The following SORL1 variants were observed in gnomAD, a reference collection of about 807,000 sequenced individuals.
SORL1 encodes the protein sortilin related receptor 1, also known as sortilin-related receptor.
In SORL1, 127 loss-of-function variants were observed where a neutral mutation model predicts 273.7. That is an observed-to-expected ratio of 0.46 (90% CI 0.40 to 0.54). The LOEUF (loss-of-function observed/expected upper bound fraction) is 0.54. Ranked by LOEUF, SORL1 falls within the 20% of genes least tolerant of loss-of-function variation. The probability of loss-of-function intolerance (pLI) is 0.00; values close to 1 mark genes in which losing one functional copy is unlikely to be tolerated. For synonymous variants in SORL1, 1,031 were observed against 1,067.4 expected, an observed-to-expected ratio of 0.97 and a Z score of 0.66; for missense variants, 2,494 against 2,846.1, an observed-to-expected ratio of 0.88 and a Z score of 2.81.
rs1377351573 is a variant in SORL1 at position 121,633,316 on chromosome 11, A to C, written c.*3753A>C. The C allele has an allele frequency of 6.6e-6, 1 of 152,186 alleles. No homozygotes were observed. The highest frequency in any genetic ancestry group is 2.1e-4 in the South Asian group (1 of 4,828). 9.4% of individuals were successfully genotyped at this position (152,186 alleles called of 1,614,324 possible). ...CAAGTAATAACCCAAGAATGGTATG[A>C]GTTTCATGTGTAATAGCTCAAATGG... On this transcript the variant is annotated 3_prime_UTR_variant, in exon 48 of 48. Transcript: ENST00000260197.
rs921199146 is a variant in SORL1, at chr11:121,514,414, T to C, written c.1211+93T>C. The C allele has an allele frequency of 4.0e-6, 5 of 1,262,508 alleles. No individual in the cohort carries two copies. In the African/African-American group the frequency reaches 6.0e-5, roughly 15 times the overall value. 78.2% of individuals were successfully genotyped at this position (1,262,508 alleles called of 1,614,324 possible). On this transcript the variant is annotated intron_variant, in intron 8 of 47. Coordinates refer to ENST00000260197, the MANE Select transcript of SORL1 (RefSeq NM_003105.6). ...TGTGGTTTTCAACATTAGCTGCCCATGTGGATACACCCGGGGAGCTTTCGG... is the reference window on the plus strand; with the variant it reads ...TGTGGTTTTCAACATTAGCTGCCCACGTGGATACACCCGGGGAGCTTTCGG...
intron 1 of SORL1, among the ~76,000 whole-genome samples, chr11:121,469,405 C>A (rs1861137302): frequency 6.6e-6 from 1 of 152,186 alleles, no homozygotes; most frequent in Non-Finnish European, 1.5e-5. Flanking sequence ...TGTTGGCCTT[C>A]CTCATTTTTA....
intron 21 of SORL1, among the ~76,000 whole-genome samples, chr11:121,560,335 G>A (rs1303581481): frequency 3.9e-5 from 6 of 152,190 alleles, no homozygotes; most frequent in African/African-American, 1.4e-4. Context: ...ACTGGGTGAG[G>A]CTTCAAGAAC....
intron 6 of SORL1, among the ~76,000 whole-genome samples, chr11:121,502,124 CTT>C (rs57842880): frequency 1.1e-4 from 7 of 65,172 alleles, no homozygotes; most frequent in African/African-American, 2.7e-4. Flanking sequence ...TGTGACAATT[CTT>C]TTTTTTTTTT....
At position 121,567,055 on chromosome 11, in the gene SORL1, C is replaced by T. The variant is rs367605756; in HGVS notation, c.3165C>T (p.Asp1055=). Residue 1055 remains aspartate, a synonymous_variant, in exon 22 of 48, where the codon GAC becomes GAT. Transcript: ENST00000260197. The part of the protein sequence containing the change: ...DVSSSVLPSG[D]LMCDCPQGYQ... The stretch of plus-strand genomic sequence containing the variant: ...CCAGCAGTGTGCTTCCATCAGGGGA[C>T]CTGATGTGTGACTGCCCTCAGGGCT... 8 of 1,614,178 alleles carry T rather than the reference C, an allele frequency of 5.0e-6. No individual in the cohort carries two copies. The highest frequency in any genetic ancestry group is 6.8e-6 in the Non-Finnish European group (8 of 1,180,006).
intron 32 of SORL1, among the ~76,000 whole-genome samples, chr11:121,600,542 A>C (rs1863372988): frequency 6.6e-6 from 1 of 152,234 alleles, no homozygotes; most frequent in Admixed American, 6.5e-5. Context: ...AAGAAAGAGA[A>C]AAGAAATGGG....
chr11:121,469,928 A>T, intron 1 of SORL1, 79 bp from the exon 2 acceptor site: 1 of 1,000,530 alleles, frequency 1.0e-6, no homozygotes, highest in Non-Finnish European at 1.6e-6. Flanking sequence ...TGCTTGACAA[A>T]GGAGGAAAGA....
At chr11:121,559,725 C>A in intron 21 of SORL1, 68 bp downstream of exon 21, 1 of 1,493,860 alleles carries the variant, frequency 6.7e-7, no homozygotes, top group Non-Finnish European at 9.2e-7. Context: ...TGTGGCCAAT[C>A]TCTGCTCAGA....
intron 3 of SORL1, among the ~76,000 whole-genome samples, chr11:121,481,234 C>G (rs1861379371): frequency 9.1e-6 from 1 of 109,444 alleles, no homozygotes; most frequent in Non-Finnish European, 1.9e-5. Context: ...TACCTATAGG[C>G]AAGCTCCATC....
intron 19 of SORL1, among the ~76,000 whole-genome samples, chr11:121,558,154 A>T (rs1042470300): frequency 6.6e-6 from 1 of 152,234 alleles, no homozygotes; most frequent in African/African-American, 2.4e-5. Context: ...AAACACACAC[A>T]TATACACACA....
At chr11:121,579,732 T>C (rs1862987345) in intron 25 of SORL1, among the ~76,000 whole-genome samples, 1 of 152,210 alleles carries the variant, frequency 6.6e-6, no homozygotes, top group Non-Finnish European at 1.5e-5. Flanking sequence ...AATCCTAAAC[T>C]TCACTGTTAC....
chr11:121,558,403 C>T (rs985602859), intron 19 of SORL1, among the ~76,000 whole-genome samples, 188 bp from the exon 20 acceptor site: 2 of 152,054 alleles, frequency 1.3e-5, no homozygotes, highest in African/African-American at 4.8e-5. Flanking sequence ...TAGATAAATT[C>T]TAGTAAAGGA....
chr11:121,518,146 G>A (rs1222793095), intron 8 of SORL1, among the ~76,000 whole-genome samples: 1 of 152,194 alleles, frequency 6.6e-6, no homozygotes, highest in East Asian at 1.9e-4. Flanking sequence ...CCTTAGGGAG[G>A]GGCATGGGCC....
chr11:121,458,034 C>T (rs567130862), intron 1 of SORL1, among the ~76,000 whole-genome samples: 16 of 152,292 alleles, frequency 1.1e-4, no homozygotes, highest in Middle Eastern at 3.4e-3. Context: ...AATCCCAGGG[C>T]AGAGATAGTT....
chr11:121,516,268 G>C (rs1209027401), intron 8 of SORL1, among the ~76,000 whole-genome samples: 1 of 152,132 alleles, frequency 6.6e-6, no homozygotes, highest in Non-Finnish European at 1.5e-5. Flanking sequence ...GACCCAGGGT[G>C]GTCACACTAG....
intron 4 of SORL1, 125 bp downstream of exon 4, chr11:121,488,318 C>CTT: frequency 1.1e-6 from 1 of 944,458 alleles, no homozygotes; most frequent in Non-Finnish European, 1.6e-6. Context: ...TGGGCCTAGC[C>CTT]TTTGTAGCTA....
At chr11:121,540,522 C>CAAA (rs34608652) in intron 12 of SORL1, among the ~76,000 whole-genome samples, 12 of 103,894 alleles carry the variant, frequency 1.2e-4, no homozygotes, top group African/African-American at 2.9e-4. Context: ...ACTAAAAATA[C>CAAA]AAAAAAAAAA....
At chr11:121,616,546 T>A (rs1863644994) in intron 41 of SORL1, among the ~76,000 whole-genome samples, 1 of 152,174 alleles carries the variant, frequency 6.6e-6, no homozygotes, top group South Asian at 2.1e-4. Flanking sequence ...TCATCCTCCC[T>A]CTGTACTCTA....
In SORL1 at chr11:121,550,146, G is replaced by T; in HGVS notation, c.2180+58G>T. On this transcript the variant is annotated intron_variant, in intron 15 of 47. Coordinates refer to ENST00000260197, the MANE Select transcript of SORL1 (RefSeq NM_003105.6). This position sits in a 1 kb window ranked among gnomAD's most constrained non-coding sequence, Gnocchi z 5.3. ...TCAGCGGTCCGCACATGGAGCGAGA[G>T]AGCATAGAGGACCGTCTGGATTGCT... 2 of 1,547,690 alleles carry T rather than the reference G, an allele frequency of 1.3e-6. No homozygotes were observed. The highest frequency in any genetic ancestry group is 2.4e-5 in the South Asian group (2 of 83,292).
Sources: allele counts gnomAD v4.1 joint callset (sites outside exome capture counted in the v4.1 genomes callset), GRCh38; gene constraint gnomAD v4.1.1; non-coding constraint Gnocchi (gnomAD v3.1); transcripts MANE v1.5; gene names NCBI Gene and HGNC (gene_info 2026-07-23, HGNC 2026-07-21).